Variants in MROH1 observed in about 807,000 individuals in gnomAD.
MROH1 encodes maestro heat like repeat family member 1, also known as maestro heat-like repeat-containing protein family member 1.
In MROH1, 117 loss-of-function variants were observed where a neutral mutation model predicts 116.5. The ratio of observed to expected loss-of-function variants is 1.00; its 90% CI spans 0.86 to 1.17. The LOEUF (loss-of-function observed/expected upper bound fraction) is 1.17, where lower values mean the gene tolerates loss of function less well. Among genes scored for constraint, MROH1 ranks in the 50% most tolerant of loss-of-function variants. The pLI is 0.00. For synonymous variants in MROH1, 921 were observed against 583.9 expected (o/e 1.58, Z -8.32); for missense variants, 1,873 against 1,338.5 (o/e 1.40, Z -6.23).
intron 3 of MROH1, among the ~76,000 whole-genome samples, chr8:144,167,404 CGGT>C (rs1250264810): frequency 1.1e-4 from 12 of 113,504 alleles, no homozygotes; most frequent in African/African-American, 4.5e-4. Flanking sequence ...GTGGAGTGGC[CGGT>C]TGTTGGGGTG....
In MROH1 at chr8:144,239,738, T is replaced by A; in HGVS notation, c.1757T>A (p.Leu586Gln). ...CATTGGGAAACGACTGTCCCGCTGC[T>A]GCTGGGGTACCTGGATGGTGAGGCC... ...GQHWETTVPL[L>Q]LGYLDEHTEE... Residue 586 changes from leucine to glutamine, a missense_variant, in exon 18 of 44, where the codon CTG (leucine) becomes CAG (glutamine). By Grantham distance (113) the Leu-to-Gln change is moderately radical. Coordinates refer to ENST00000326134, the MANE Select transcript of MROH1 (RefSeq NM_032450.3). 1.4e-6 allele frequency: 1 copy of A among 718,490 alleles called. No homozygotes were observed. The highest frequency in any genetic ancestry group is 2.6e-6 in the Non-Finnish European group (1 of 385,614). 44.5% of individuals were successfully genotyped at this position (718,490 alleles called of 1,614,324 possible).
At chr8:144,215,234 TTGTC>T (rs1310697670) in intron 12 of MROH1, among the ~76,000 whole-genome samples, 2 of 152,362 alleles carry the variant, frequency 1.3e-5, no homozygotes, top group African/African-American at 2.4e-5. Context: ...TACAGGTTGA[TTGTC>T]TGTAATCTAA....
chr8:144,157,577 G>C (rs1251026923), intron 1 of MROH1, among the ~76,000 whole-genome samples: 1 of 151,844 alleles, frequency 6.6e-6, no homozygotes, highest in East Asian at 1.9e-4. Context: ...TTTCTTTTTA[G>C]ATATGGGACT....
intron 12 of MROH1, among the ~76,000 whole-genome samples, chr8:144,204,253 G>A (rs1388235348): frequency 2.0e-5 from 3 of 152,134 alleles, no homozygotes; most frequent in Non-Finnish European, 2.9e-5. Context: ...TGGGACTGCG[G>A]GTGTGCACCA....
chr8:144,204,431 G>A (rs1321316496), intron 12 of MROH1, among the ~76,000 whole-genome samples: 3 of 152,114 alleles, frequency 2.0e-5, no homozygotes, highest in Non-Finnish European at 2.9e-5. Flanking sequence ...ATTTTTAATT[G>A]TTTTTATTTG....
At chr8:144,242,909 A>G (rs4307382) in intron 24 of MROH1, among the ~76,000 whole-genome samples, 64,285 of 150,998 alleles carry the variant, frequency 0.43, 15,942 homozygotes, top group East Asian at 0.73. Context: ...GTCCCAGGAC[A>G]GCTGGAACCT....
chr8:144,228,603 A>G (rs190782693), intron 14 of MROH1, among the ~76,000 whole-genome samples: 161 of 152,310 alleles, frequency 1.1e-3, no homozygotes, highest in Admixed American at 5.4e-3. Context: ...AGTTGGGATT[A>G]CAGCCACACG....
At chr8:144,254,036 A>G (rs1008911468) in intron 33 of MROH1, among the ~76,000 whole-genome samples, 3 of 152,160 alleles carry the variant, frequency 2.0e-5, no homozygotes, top group Non-Finnish European at 4.4e-5. Flanking sequence ...ACTCCTTGAC[A>G]GCCATTGTTT....
At chr8:144,173,076 C>T (rs911468183) in intron 4 of MROH1, among the ~76,000 whole-genome samples, 1 of 149,636 alleles carries the variant, frequency 6.7e-6, no homozygotes, top group Non-Finnish European at 1.5e-5. Context: ...TGAATGGAGG[C>T]AGGGCTGTGA....
rs905868277 is a variant in MROH1 at position 144,242,137 on chromosome 8, G to A, written c.2179-232G>A. On this transcript the variant is annotated intron_variant, in intron 22 of 43. Transcript: ENST00000326134. The stretch of plus-strand genomic sequence containing the variant: ...CTCGGCCCTTGGCCCTCTGTTACTC[G>A]GTACCCAGTGGGCCCATGCCTGGCT... 125 of 614,480 alleles carry A rather than the reference G, an allele frequency of 2.0e-4. 1 individual carries two copies. The East Asian group carries it at 2.3e-3, about 11-fold the overall frequency. 38.1% of individuals were successfully genotyped at this position (614,480 alleles called of 1,614,324 possible).
chr8:144,241,171 T>C, intron 21 of MROH1, 60 bp downstream of exon 21: 2 of 715,694 alleles, frequency 2.8e-6, no homozygotes, highest in South Asian at 1.5e-5. Context: ...CGGTGGCACC[T>C]GCTGTTCTCT....
chr8:144,230,633 A>G (rs1838678040), intron 14 of MROH1, among the ~76,000 whole-genome samples: 1 of 151,256 alleles, frequency 6.6e-6, no homozygotes, highest in Non-Finnish European at 1.5e-5. Context: ...CAGCTTTAGT[A>G]TCAGGGTAAT....
intron 1 of MROH1, chr8:144,148,841 C>T (rs1261650541): frequency 6.5e-6 from 1 of 152,680 alleles, no homozygotes; most frequent in Non-Finnish European, 1.5e-5. Flanking sequence ...TTTGCCTGCT[C>T]AGTTGGGGAA....
At chr8:144,203,765 G>A (rs1832229573) in intron 12 of MROH1, among the ~76,000 whole-genome samples, 1 of 152,160 alleles carries the variant, frequency 6.6e-6, no homozygotes, top group Non-Finnish European at 1.5e-5. Flanking sequence ...TGAGGCAGGT[G>A]CTCTTCTCCC....
intron 12 of MROH1, among the ~76,000 whole-genome samples, chr8:144,216,244 G>GT (rs1835233543): frequency 6.6e-6 from 1 of 151,850 alleles, no homozygotes; most frequent in Non-Finnish European, 1.5e-5. Context: ...GGAGGCTGAG[G>GT]TGGGCAGATC....
intron 7 of MROH1, among the ~76,000 whole-genome samples, chr8:144,186,108 G>A (rs969640005): frequency 3.5e-5 from 5 of 143,946 alleles, no homozygotes; most frequent in Admixed American, 2.3e-4. Flanking sequence ...GAAGCAAAAA[G>A]GACAGTTTCC....
At chr8:144,181,940 T>C (rs1024447734) in intron 7 of MROH1, among the ~76,000 whole-genome samples, 5 of 152,220 alleles carry the variant, frequency 3.3e-5, no homozygotes, top group Non-Finnish European at 5.9e-5. Context: ...TTCCCCTTCA[T>C]AGGGGACCTG....
In MROH1 at chr8:144,191,623, G is replaced by A. The variant is rs975976487; in HGVS notation, c.715-92G>A. On this transcript the variant is annotated intron_variant, in intron 8 of 43. Transcript: ENST00000326134. Reference sequence around the variant, plus strand: ...AGCACCCACTGGTAGCCCAGTGTTCGTTCACGTCCGTCACGGGTGCTTGCT... The same window carrying A: ...AGCACCCACTGGTAGCCCAGTGTTCATTCACGTCCGTCACGGGTGCTTGCT... 11 of 1,504,470 alleles carry A rather than the reference G, an allele frequency of 7.3e-6. No individual in the cohort carries two copies. The East Asian group carries it at 1.4e-4, about 20-fold the overall frequency. 93.2% of individuals were successfully genotyped at this position (1,504,470 alleles called of 1,614,324 possible). A position where few individuals can be genotyped will look rare whatever the true frequency, so the allele number is the denominator to read the frequency against.
At chr8:144,250,131 C>T in intron 32 of MROH1, 81 bp from the exon 33 acceptor site, 2 of 715,220 alleles carry the variant, frequency 2.8e-6, no homozygotes, top group South Asian at 1.5e-5. Context: ...CCCTCATGGC[C>T]CCACCCCCTT....
Sources: allele counts gnomAD v4.1 joint callset (sites outside exome capture counted in the v4.1 genomes callset), GRCh38; gene constraint gnomAD v4.1.1; transcripts MANE v1.5; gene names NCBI Gene and HGNC (gene_info 2026-07-23, HGNC 2026-07-21).